The following RANBP2 variants were observed in gnomAD, a reference collection of about 807,000 sequenced individuals.
RANBP2 encodes RAN binding protein 2, also known as E3 SUMO-protein ligase RanBP2.
In RANBP2, 57 loss-of-function variants were observed where a neutral mutation model predicts 303.6. The ratio of observed to expected loss-of-function variants is 0.19; its 90% confidence interval spans 0.15 to 0.23. The LOEUF (loss-of-function observed/expected upper bound fraction) is 0.23, where lower values mean the gene tolerates loss of function less well. Among genes scored for constraint, RANBP2 ranks in the 10% least tolerant of loss-of-function variants. The pLI, the probability that RANBP2 is intolerant of heterozygous loss-of-function variation, is 1.00. For missense variants in RANBP2, 3,138 were observed against 3,780.8 expected (o/e 0.83, Z 4.46); for synonymous variants, 1,167 against 1,301.5 (o/e 0.90, Z 2.23).
At chr2:109,221,564 A>G in the RANBP2 span, among the ~76,000 whole-genome samples, 1 of 142,700 alleles carries the variant, frequency 7.0e-6, no homozygotes, top group Non-Finnish European at 1.5e-5. Context: ...CCTGGGTGAC[A>G]GGGTGAGACT....
At chr2:109,150,069 A>G in the RANBP2 span, among the ~76,000 whole-genome samples, 7 of 152,312 alleles carry the variant, frequency 4.6e-5, no homozygotes, top group African/African-American at 1.4e-4. Flanking sequence ...AACGGTCCCC[A>G]GGTGATGCCA....
At chr2:109,302,839 T>C in the RANBP2 span, among the ~76,000 whole-genome samples, 22 of 152,310 alleles carry the variant, frequency 1.4e-4, no homozygotes, top group Non-Finnish European at 1.3e-4. Flanking sequence ...TCTCTACATC[T>C]GAACATGAGA....
At chr2:108,864,123 TTA>T in the RANBP2 span, among the ~76,000 whole-genome samples, 607 of 152,230 alleles carry the variant, frequency 4.0e-3, 5 homozygotes, top group African/African-American at 0.014. Context: ...TAAGTTTGTG[TTA>T]TATAGCATAT....
At chr2:108,771,898 C>G in intron 21 of RANBP2, 27 bp downstream of exon 21, 2 of 1,613,544 alleles carry the variant, frequency 1.2e-6, no homozygotes, top group Non-Finnish European at 1.7e-6. Context: ...TTCAAAAATC[C>G]TCTGTTCCCG....
At chr2:108,725,783 C>G (rs1410442446) in intron 1 of RANBP2, among the ~76,000 whole-genome samples, 1 of 150,468 alleles carries the variant, frequency 6.6e-6, no homozygotes, top group African/African-American at 2.4e-5. Flanking sequence ...GCTGTCCTGA[C>G]TGCTGTGTAT....
chr2:109,028,395 G>C, the RANBP2 span, among the ~76,000 whole-genome samples: 1 of 152,214 alleles, frequency 6.6e-6, no homozygotes, highest in Non-Finnish European at 1.5e-5. Flanking sequence ...TACCTCCACT[G>C]AAGGAAGAGC....
the RANBP2 span, among the ~76,000 whole-genome samples, chr2:109,467,047 G>C: frequency 6.6e-6 from 1 of 152,224 alleles, no homozygotes; most frequent in Non-Finnish European, 1.5e-5. Flanking sequence ...CTGCTCTGCT[G>C]GTGGAAATGT....
chr2:108,960,500 G>A, the RANBP2 span, among the ~76,000 whole-genome samples: 1 of 152,192 alleles, frequency 6.6e-6, no homozygotes, highest in Non-Finnish European at 1.5e-5. Flanking sequence ...GGGGCATGAG[G>A]AGCCAGGGCA....
chr2:109,559,911 CTT>C, the RANBP2 span, among the ~76,000 whole-genome samples: 11 of 117,534 alleles, frequency 9.4e-5, no homozygotes, highest in African/African-American at 1.9e-4. Flanking sequence ...CAACCAATGC[CTT>C]TTTTTTTTTT....
At chr2:108,919,961 A>T in the RANBP2 span, among the ~76,000 whole-genome samples, 1 of 152,096 alleles carries the variant, frequency 6.6e-6, no homozygotes, top group South Asian at 2.1e-4. Flanking sequence ...TTCCACACAC[A>T]CAGCCTTCAT....
the RANBP2 span, chr2:109,613,575 C>T: frequency 3.8e-6 from 1 of 262,364 alleles, no homozygotes; most frequent in East Asian, 8.1e-5. Context: ...GCTGGCGCCG[C>T]GCCCCGCGAA....
chr2:108,883,436 TC>T, the RANBP2 span: 3 of 152,220 alleles, frequency 2.0e-5, no homozygotes, highest in Non-Finnish European at 2.9e-5. Flanking sequence ...AGTTGTGCCA[TC>T]CCCTGACATA....
the RANBP2 span, among the ~76,000 whole-genome samples, chr2:109,657,858 T>C: frequency 6.6e-6 from 1 of 151,540 alleles, no homozygotes; most frequent in Non-Finnish European, 1.5e-5. Flanking sequence ...TAGCTGGTAT[T>C]ACAGGCACGC....
At chr2:109,058,127 C>T in the RANBP2 span, among the ~76,000 whole-genome samples, 4 of 152,304 alleles carry the variant, frequency 2.6e-5, no homozygotes, top group South Asian at 2.1e-4. Context: ...CAGTGATGCC[C>T]GTGGGCTCGC....
the RANBP2 span, among the ~76,000 whole-genome samples, chr2:109,480,937 G>A: frequency 4.6e-5 from 7 of 152,182 alleles, no homozygotes; most frequent in African/African-American, 1.7e-4. Context: ...CAGATAAAAG[G>A]CCTGGAGCTC....
chr2:109,230,447 G>C, the RANBP2 span, among the ~76,000 whole-genome samples: 1 of 152,144 alleles, frequency 6.6e-6, no homozygotes, highest in Non-Finnish European at 1.5e-5. Flanking sequence ...GGGCATGATG[G>C]TGCATGCCTG....
At chr2:109,603,242 TA>T in the RANBP2 span, among the ~76,000 whole-genome samples, 14 of 152,086 alleles carry the variant, frequency 9.2e-5, no homozygotes, top group South Asian at 1.2e-3. Context: ...TTAATATTAT[TA>T]TTTTTTTTTT....
At chr2:109,061,031 G>A in the RANBP2 span, among the ~76,000 whole-genome samples, 1 of 152,012 alleles carries the variant, frequency 6.6e-6, no homozygotes, top group Middle Eastern at 3.2e-3. Flanking sequence ...CCATTTCTAT[G>A]AAGAACTAGA....
chr2:109,043,660 G>A, the RANBP2 span, among the ~76,000 whole-genome samples: 12 of 152,172 alleles, frequency 7.9e-5, no homozygotes, highest in Admixed American at 7.9e-4. Flanking sequence ...GCAATCACAA[G>A]CATAGTTATT....
Sources: gnomAD v4.1 joint callset for allele counts (sites outside exome capture counted in the v4.1 genomes callset) on GRCh38, gnomAD v4.1.1 for gene constraint, MANE v1.5 for transcripts, NCBI Gene and HGNC (gene_info 2026-07-23, HGNC 2026-07-21) for gene names.